The following IL16 variants were observed in gnomAD, a reference collection of about 807,000 sequenced individuals.
IL16 encodes the protein interleukin 16.
IL16 carries 67 observed loss-of-function variants against 110.1 expected under a neutral mutation model. That is an observed-to-expected ratio of 0.61 (90% CI 0.50 to 0.75). IL16 has a LOEUF of 0.75. Among genes scored for constraint, IL16 ranks in the 30% least tolerant of loss-of-function variants. The pLI is 0.00. For synonymous variants in IL16, 689 were observed against 662.9 expected (o/e 1.04, Z -0.61); for missense variants, 1,545 against 1,655.0 (o/e 0.93, Z 1.15).
intron 16 of IL16, among the ~76,000 whole-genome samples, chr15:81,304,301 C>T (rs1207428982): frequency 6.6e-6 from 1 of 152,174 alleles, no homozygotes; most frequent in Non-Finnish European, 1.5e-5. Context: ...AAAAAGATTC[C>T]TGACCGTGTA....
chr15:81,243,172 T>TG, intron 2 of IL16, among the ~76,000 whole-genome samples: 1 of 69,634 alleles, frequency 1.4e-5, no homozygotes, highest in South Asian at 6.4e-4. Flanking sequence ...TATTTTTTTT[T>TG]TTTTTTTTTT....
chr15:81,259,150 T>C (rs970918590), intron 2 of IL16, among the ~76,000 whole-genome samples: 6 of 152,212 alleles, frequency 3.9e-5, no homozygotes, highest in African/African-American at 1.2e-4. Context: ...ATAAGCAATA[T>C]AGTAAAATCA....
Position 81,303,349 on chromosome 15 carries a change from T to C in IL16, c.3319-200T>C, listed in dbSNP as rs575983573. On this transcript the variant is annotated intron_variant, in intron 15 of 18. Coordinates refer to ENST00000683961, the MANE Select transcript of IL16 (RefSeq NM_172217.5). This position sits in a 1 kb window ranked among gnomAD's most constrained non-coding sequence, Gnocchi z 4.1. Reference sequence around the variant, plus strand: ...TTATGCTTGCTGCTTTACATACATTTTTTTTTTCTTCTAAGCTTCCCATGA... The same window carrying C: ...TTATGCTTGCTGCTTTACATACATTCTTTTTTTCTTCTAAGCTTCCCATGA... 1 of 561,616 alleles carries C rather than the reference T, an allele frequency of 1.8e-6. No individual in the cohort carries two copies. The highest frequency in any genetic ancestry group is 1.9e-5 in the African/African-American group (1 of 52,982). The allele number at this position is 561,616 out of a possible 1,614,324, so 34.8% of individuals were successfully genotyped here.
intron 5 of IL16, among the ~76,000 whole-genome samples, chr15:81,269,987 T>A (rs1898563116): frequency 6.6e-6 from 1 of 152,244 alleles, no homozygotes; most frequent in South Asian, 2.1e-4. Context: ...TACATAGATT[T>A]CTGGATCCTG....
chr15:81,216,133 G>T (rs535947628), intron 1 of IL16, among the ~76,000 whole-genome samples: 1 of 152,338 alleles, frequency 6.6e-6, no homozygotes, highest in South Asian at 2.1e-4. Flanking sequence ...TCCCAGAGGG[G>T]AATAGAGAGT....
chr15:81,207,508 C>T (rs764724011), intron 1 of IL16, among the ~76,000 whole-genome samples: 27 of 151,942 alleles, frequency 1.8e-4, no homozygotes, highest in Non-Finnish European at 3.1e-4. Flanking sequence ...TTTTAACCCA[C>T]GCCCCACCTC....
chr15:81,303,015 A>ATG lies in IL16; in HGVS notation c.3319-506_3319-505dup, dbSNP rs34522610. On this transcript the variant is annotated intron_variant, in intron 15 of 18. Transcript: ENST00000683961. This position sits in a 1 kb window ranked among gnomAD's most constrained non-coding sequence, Gnocchi z 4.1. ...GTCTAGGCTAGGAAGTACCGTAGTA[A>ATG]TGTGTGTGTGTGTGTGTGTGTGTGT... 0.086 allele frequency among the ~76,000 whole-genome samples: 12,910 copies of ATG among 149,998 alleles called. 549 individuals carry two copies. The highest frequency in any genetic ancestry group is 0.13 in the Middle Eastern group (38 of 292).
upstream of IL16, among the ~76,000 whole-genome samples, chr15:81,196,595 G>T (rs975705218): frequency 3.9e-5 from 6 of 152,162 alleles, no homozygotes; most frequent in Non-Finnish European, 4.4e-5. Context: ...CACATTGCAG[G>T]CACCGAGTCA....
chr15:81,291,282 C>T (rs901780523), intron 11 of IL16, among the ~76,000 whole-genome samples: 1 of 152,226 alleles, frequency 6.6e-6, no homozygotes, highest in Admixed American at 6.5e-5. Flanking sequence ...TTTCTACCCA[C>T]CCAACATGCA....
At chr15:81,246,031 A>G (rs541332108) in intron 2 of IL16, among the ~76,000 whole-genome samples, 1 of 152,136 alleles carries the variant, frequency 6.6e-6, no homozygotes, top group Non-Finnish European at 1.5e-5. Context: ...CAGCATCTTC[A>G]GGCTCTTTGC....
Position 81,309,573 on chromosome 15 carries a change from A to T in IL16, c.*775A>T, listed in dbSNP as rs1450288246. 1 of 152,246 alleles carries T rather than the reference A, an allele frequency of 6.6e-6. No individual in the cohort carries two copies. Among genetic ancestry groups the T allele is most frequent in the Non-Finnish European group, 1.5e-5 (1 of 68,042 alleles). 9.4% of individuals were successfully genotyped at this position (152,246 alleles called of 1,614,324 possible). ...AGAGGAAATATTGCTGGGGTCATTT[A>T]TGAAAAATACAGTTTGTCACATGAA... On this transcript the variant is annotated 3_prime_UTR_variant, in exon 19 of 19. Coordinates refer to ENST00000683961, the MANE Select transcript of IL16 (RefSeq NM_172217.5).
intron 13 of IL16, among the ~76,000 whole-genome samples, chr15:81,297,959 A>G (rs866717229): frequency 2.6e-4 from 40 of 152,362 alleles, no homozygotes; most frequent in Middle Eastern, 3.4e-3. Flanking sequence ...GGAAAGATCT[A>G]GCACATCTCA....
Position 81,225,424 on chromosome 15 carries a change from A to G in IL16, c.25A>G (p.Lys9Glu), listed in dbSNP as rs1397633840. MESHSRAG[K>E]SRKSAKFRSI... is the part of the protein sequence containing the mutation. ...GATGGAGTCGCACAGCCGCGCTGGA[A>G]AGAGCAGAAAATCTGCAAAATTTCG... is the stretch of plus-strand genomic sequence containing the variant. The change falls in exon 2 of 19, where the codon AAG becomes GAG. Residue 9 changes from lysine (K) to glutamate (E), a missense_variant. Transcript: ENST00000683961. The G allele has an allele frequency of 4.3e-6, 7 of 1,614,118 alleles. No individual in the cohort carries two copies. Among genetic ancestry groups the G allele is most frequent in the Non-Finnish European group, 4.2e-6 (5 of 1,180,002 alleles).
At chr15:81,195,749 C>T (rs185728857), upstream of IL16, among the ~76,000 whole-genome samples, 3 of 152,264 alleles carry the variant, frequency 2.0e-5, no homozygotes, top group African/African-American at 7.2e-5. Flanking sequence ...AAGAGAGGTC[C>T]ATACAAAAAC....
At chr15:81,200,882 T>A (rs768137846) in intron 1 of IL16, among the ~76,000 whole-genome samples, 10 of 152,168 alleles carry the variant, frequency 6.6e-5, no homozygotes, top group Non-Finnish European at 1.0e-4. Flanking sequence ...TACCTCCTCA[T>A]AAATGGATTA....
At chr15:81,235,794 G>A (rs1897160128) in intron 2 of IL16, among the ~76,000 whole-genome samples, 1 of 152,154 alleles carries the variant, frequency 6.6e-6, no homozygotes, top group Admixed American at 6.5e-5. Flanking sequence ...CCATAAAAGG[G>A]TATAATGAGA....
intron 1 of IL16, among the ~76,000 whole-genome samples, chr15:81,200,057 A>G (rs1445893972): frequency 6.6e-6 from 1 of 152,196 alleles, no homozygotes; most frequent in Non-Finnish European, 1.5e-5. Flanking sequence ...TTGAAAATCA[A>G]CTTAGCGGGT....
intron 5 of IL16, among the ~76,000 whole-genome samples, 168 bp from the exon 6 acceptor site, chr15:81,272,922 G>T (rs529789042): frequency 2.7e-5 from 4 of 150,090 alleles, no homozygotes; most frequent in South Asian, 2.1e-4. Flanking sequence ...GTTGTTGTTG[G>T]TGTTGTTGTT....
In IL16 at chr15:81,285,700, G is replaced by T. The variant is rs1899414500; in HGVS notation, c.1202G>T (p.Cys401Phe). 6.2e-7 allele frequency: 1 copy of T among 1,613,982 alleles called. No individual in the cohort carries two copies. The highest frequency in any genetic ancestry group is 1.1e-5 in the South Asian group (1 of 91,068). ...SVAHLDGRLR[C>F]GDEIVEISDS... ...GCTTCTTATTGATGCTTGCACAGGTGTGGGGACGAGATTGTGGAAATCAGT... is the reference window on the plus strand; with the variant it reads ...GCTTCTTATTGATGCTTGCACAGGTTTGGGGACGAGATTGTGGAAATCAGT... The change falls in exon 10 of 19, where the codon TGT (cysteine) becomes TTT (phenylalanine). Residue 401 changes from cysteine (C) to phenylalanine (F), a missense_variant and splice_region_variant. By Grantham distance (205) the Cys-to-Phe change is radical. Coordinates refer to ENST00000683961, the MANE Select transcript of IL16 (RefSeq NM_172217.5).
Sources: allele counts gnomAD v4.1 joint callset (sites outside exome capture counted in the v4.1 genomes callset), GRCh38; gene constraint gnomAD v4.1.1; non-coding constraint Gnocchi (gnomAD v3.1); transcripts MANE v1.5; gene names NCBI Gene and HGNC (gene_info 2026-07-23, HGNC 2026-07-21).